The following GALNTL6 variants were observed in gnomAD, a reference collection of about 807,000 sequenced individuals.
GALNTL6 encodes the protein polypeptide N-acetylgalactosaminyltransferase-like 6.
GALNTL6 carries 46 observed loss-of-function variants against 73.7 expected under a neutral mutation model. The ratio of observed to expected loss-of-function variants is 0.62; its 90% CI spans 0.49 to 0.80. GALNTL6 has a LOEUF of 0.80. Ranked by LOEUF, GALNTL6 falls within the 30% of genes least tolerant of loss-of-function variation. The pLI, the probability that GALNTL6 is intolerant of heterozygous loss-of-function variation, is 0.00. For synonymous variants in GALNTL6, 259 were observed against 263.7 expected (o/e 0.98, Z 0.17); for missense variants, 604 against 755.0 (o/e 0.80, Z 2.34).
intron 8 of GALNTL6, among the ~76,000 whole-genome samples, chr4:172,891,764 G>A (rs1394933540): frequency 1.3e-5 from 2 of 151,810 alleles, no homozygotes; most frequent in African/African-American, 2.4e-5. Context: ...CTTCTCTCTC[G>A]GGAATACCAA....
At chr4:172,525,978 T>G (rs185586094) in intron 5 of GALNTL6, among the ~76,000 whole-genome samples, 1 of 152,356 alleles carries the variant, frequency 6.6e-6, no homozygotes, top group Non-Finnish European at 1.5e-5. Context: ...TCTTACATAT[T>G]TCATTTATTT....
At chr4:172,902,449 G>A (rs906494397) in intron 8 of GALNTL6, among the ~76,000 whole-genome samples, 2 of 152,134 alleles carry the variant, frequency 1.3e-5, no homozygotes, top group Non-Finnish European at 2.9e-5. Flanking sequence ...TCTCAATCCA[G>A]GTTGAAGAAC....
chr4:171,961,790 A>G (rs1298869151), intron 2 of GALNTL6, among the ~76,000 whole-genome samples: 11 of 152,180 alleles, frequency 7.2e-5, no homozygotes, highest in Non-Finnish European at 4.4e-5. Flanking sequence ...ATCTGGATCA[A>G]TATTCTAATT....
At chr4:172,784,882 C>A (rs1035346847) in intron 5 of GALNTL6, among the ~76,000 whole-genome samples, 2 of 152,238 alleles carry the variant, frequency 1.3e-5, no homozygotes, top group Middle Eastern at 3.4e-3. Context: ...AAATGCCTAG[C>A]GCTTTCCTTT....
rs551978284 is a variant in GALNTL6 at position 172,875,401 on chromosome 4, C to T, written c.924-7389C>T. ...TAATTTTGGAATATAAAAAGGAACC[C>T]AAATCTATACTTTAGCCAAGGTTCC... On this transcript the variant is annotated intron_variant, in intron 7 of 12. Coordinates refer to ENST00000506823, the MANE Select transcript of GALNTL6 (RefSeq NM_001034845.3). Among the ~76,000 whole-genome samples, 178 of 152,184 alleles carry T rather than the reference C, an allele frequency of 1.2e-3. 2 individuals are homozygous for T. The highest frequency in any genetic ancestry group is 4.2e-3 in the African/African-American group (174 of 41,524).
At chr4:172,616,987 G>A (rs1560837884) in intron 5 of GALNTL6, among the ~76,000 whole-genome samples, 1 of 152,024 alleles carries the variant, frequency 6.6e-6, no homozygotes, top group South Asian at 2.1e-4. Flanking sequence ...AAGTAATCTG[G>A]GTTTCCAGGT....
rs553929524 is a variant in GALNTL6, at chr4:172,300,767, G to A, written c.248-10847G>A. Among the ~76,000 whole-genome samples, 5 of 152,190 alleles carry A rather than the reference G, an allele frequency of 3.3e-5. No homozygotes were observed. The East Asian group carries it at 9.7e-4, about 29-fold the overall frequency. On this transcript the variant is annotated intron_variant, in intron 3 of 12. Coordinates refer to ENST00000506823, the MANE Select transcript of GALNTL6 (RefSeq NM_001034845.3). ...GTTAGTCTGATGGGCTTCCCTTGTG[G>A]TAACCCGACCTTTCTCTGTGGCTGC... is the stretch of plus-strand genomic sequence containing the variant.
intron 2 of GALNTL6, among the ~76,000 whole-genome samples, chr4:172,218,823 G>T (rs1736577880): frequency 6.6e-6 from 1 of 151,866 alleles, no homozygotes. Context: ...GGAAAGACAA[G>T]AGTGTTCAGG....
At chr4:172,112,651 C>T (rs1418059861) in intron 2 of GALNTL6, among the ~76,000 whole-genome samples, 1 of 151,896 alleles carries the variant, frequency 6.6e-6, no homozygotes, top group East Asian at 1.9e-4. Flanking sequence ...TGACATAATG[C>T]TCTACATGCT....
At chr4:172,407,297 G>A (rs1329382646) in intron 5 of GALNTL6, among the ~76,000 whole-genome samples, 1 of 152,008 alleles carries the variant, frequency 6.6e-6, no homozygotes, top group African/African-American at 2.4e-5. Context: ...ATGGCAGTAG[G>A]CCAATGATTA....
chr4:172,641,196 C>G (rs879575772), intron 5 of GALNTL6, among the ~76,000 whole-genome samples: 1 of 152,096 alleles, frequency 6.6e-6, no homozygotes, highest in Non-Finnish European at 1.5e-5. Flanking sequence ...AATAGTTTCC[C>G]AGGTCTTCCT....
At chr4:172,406,155 C>A (rs1744230949) in intron 5 of GALNTL6, among the ~76,000 whole-genome samples, 1 of 151,704 alleles carries the variant, frequency 6.6e-6, no homozygotes, top group African/African-American at 2.4e-5. Context: ...ATTAATAATA[C>A]ACATTTTATC....
intron 2 of GALNTL6, among the ~76,000 whole-genome samples, chr4:171,819,210 A>AG (rs1579480392): frequency 6.6e-6 from 1 of 152,250 alleles, no homozygotes; most frequent in East Asian, 1.9e-4. Flanking sequence ...ATTTTAAATT[A>AG]GGGTTTTAAA....
intron 3 of GALNTL6, among the ~76,000 whole-genome samples, chr4:172,273,266 A>G (rs1370748138): frequency 6.6e-6 from 1 of 152,210 alleles, no homozygotes; most frequent in Non-Finnish European, 1.5e-5. Context: ...CTAAGTAGCT[A>G]TGCAAACCAC....
At chr4:171,909,676 TGAA>T (rs1361033199) in intron 2 of GALNTL6, among the ~76,000 whole-genome samples, 6 of 152,152 alleles carry the variant, frequency 3.9e-5, no homozygotes, top group African/African-American at 1.2e-4. Flanking sequence ...CTTTTGAAAA[TGAA>T]GAAGAATAGG....
chr4:172,335,085 A>T (rs1038772933), intron 4 of GALNTL6, among the ~76,000 whole-genome samples: 3 of 151,424 alleles, frequency 2.0e-5, no homozygotes, highest in Non-Finnish European at 4.4e-5. Flanking sequence ...GGTTCACACC[A>T]TACAGGCACC....
chr4:172,118,753 G>T (rs902257145), intron 2 of GALNTL6, among the ~76,000 whole-genome samples: 4 of 149,706 alleles, frequency 2.7e-5, no homozygotes, highest in Non-Finnish European at 5.9e-5. Flanking sequence ...AAACAAAAAG[G>T]AATAAAAGAA....
At chr4:171,928,836 C>A (rs1484281990) in intron 2 of GALNTL6, among the ~76,000 whole-genome samples, 2 of 152,102 alleles carry the variant, frequency 1.3e-5, no homozygotes, top group African/African-American at 4.8e-5. Flanking sequence ...TAGCAGGCTG[C>A]ACATCTATAC....
chr4:172,014,480 G>A lies in GALNTL6; in HGVS notation c.138+199762G>A, dbSNP rs917497493. Among the ~76,000 whole-genome samples the A allele has an allele frequency of 3.3e-5, 5 of 152,046 alleles. No homozygotes were observed. The East Asian group carries it at 5.8e-4, about 18-fold the overall frequency. On this transcript the variant is annotated intron_variant, in intron 2 of 12. Coordinates refer to ENST00000506823, the MANE Select transcript of GALNTL6 (RefSeq NM_001034845.3). The stretch of plus-strand genomic sequence containing the variant: ...CATTTCTTTGATTATCAATGATGTC[G>A]AGCATGTTTTCATATACCTGTTTGC...
Sources: allele counts gnomAD v4.1 joint callset (sites outside exome capture counted in the v4.1 genomes callset), GRCh38; gene constraint gnomAD v4.1.1; transcripts MANE v1.5; gene names NCBI Gene and HGNC (gene_info 2026-07-23, HGNC 2026-07-21).